The following CNTN4 variants were observed in gnomAD, a reference collection of about 807,000 sequenced individuals.
The protein encoded by CNTN4 is contactin 4.
CNTN4 carries 77 observed loss-of-function variants against 122.5 expected under a neutral mutation model. That is an observed-to-expected ratio of 0.63 (90% CI 0.52 to 0.76). The LOEUF is 0.76. Among genes scored for constraint, CNTN4 ranks in the 30% least tolerant of loss-of-function variants. CNTN4 has a pLI of 0.00. For synonymous variants in CNTN4, 512 were observed against 447.0 expected, an observed-to-expected ratio of 1.15 and a Z score of -1.83; for missense variants, 1,256 against 1,259.1, an observed-to-expected ratio of 1.00 and a Z score of 0.04.
intron 12 of CNTN4, 78 bp from the exon 13 acceptor site, chr3:2,925,547 AAAAG>A (rs2094465882): frequency 9.5e-6 from 14 of 1,475,704 alleles, no homozygotes; most frequent in Non-Finnish European, 1.1e-5. Flanking sequence ...TCTGTCTCAA[AAAAG>A]AAAGAAAGAA....
intron 4 of CNTN4, among the ~76,000 whole-genome samples, chr3:2,698,998 G>A (rs2086204025): frequency 6.7e-6 from 1 of 149,700 alleles, no homozygotes; most frequent in African/African-American, 2.5e-5. Flanking sequence ...ACTCCAGTGT[G>A]GGCGACAAGA....
In CNTN4 at chr3:2,840,471, C is replaced by A. The variant is rs189867962; in HGVS notation, c.454+20890C>A. 5.8e-3 allele frequency among the ~76,000 whole-genome samples: 861 copies of A among 148,056 alleles called. 12 individuals carry two copies. Among genetic ancestry groups the A allele is most frequent in the African/African-American group, 0.021 (840 of 40,570 alleles). On this transcript the variant is annotated intron_variant, in intron 7 of 24. Transcript: ENST00000418658. ...ATCCCAGCACTTTGGGAGGCCGAGG[C>A]GGGCGGATCACGAGGTCAGGAGATC... is the stretch of plus-strand genomic sequence containing the variant.
chr3:2,492,981 A>G (rs866308701), intron 3 of CNTN4, among the ~76,000 whole-genome samples: 1 of 152,224 alleles, frequency 6.6e-6, no homozygotes, highest in Non-Finnish European at 1.5e-5. Context: ...TCCTGGGGGC[A>G]TTAAGAACTG....
At chr3:2,099,164 C>T (rs1378110828) in intron 1 of CNTN4, 186 bp downstream of exon 1, 2 of 152,246 alleles carry the variant, frequency 1.3e-5, no homozygotes, top group Non-Finnish European at 2.9e-5. Context: ...AGCTCAGAGC[C>T]CGGAAGCCCT....
At chr3:2,261,105 A>G (rs1575200000) in intron 2 of CNTN4, among the ~76,000 whole-genome samples, 4 of 152,140 alleles carry the variant, frequency 2.6e-5, no homozygotes, top group Admixed American at 2.6e-4. Flanking sequence ...ACTAAATTGC[A>G]ATTGTCAAAA....
intron 4 of CNTN4, among the ~76,000 whole-genome samples, chr3:2,675,665 A>G (rs563031994): frequency 7.7e-4 from 117 of 152,310 alleles, no homozygotes; most frequent in African/African-American, 2.8e-3. Context: ...TACACATTGA[A>G]TGGGAGGAAA....
chr3:2,841,755 A>G lies in CNTN4; in HGVS notation c.454+22174A>G, dbSNP rs1480859578. 1.3e-5 allele frequency among the ~76,000 whole-genome samples: 2 copies of G among 152,236 alleles called. No homozygotes were observed. Among genetic ancestry groups the G allele is most frequent in the Non-Finnish European group, 2.9e-5 (2 of 68,048 alleles). On this transcript the variant is annotated intron_variant, in intron 7 of 24. Transcript: ENST00000418658. This position sits in a 1 kb window ranked among gnomAD's most constrained non-coding sequence, Gnocchi z 4.8. ...AAAAATATGTTTCACTCATGATAAC[A>G]TGATCATTTTCAGGAATTTTATTCT...
chr3:3,026,230 C>T lies in CNTN4; in HGVS notation c.1615C>T (p.Leu539=). The change falls in exon 15 of 25, where the codon CTG becomes TTG. Residue 539 remains leucine (L), a synonymous_variant. Transcript: ENST00000418658. ...IVFTWSFNGH[L]IDFDRDGDHF... ...GTTTACTTGGTCATTTAATGGACAC[C>T]TGATAGACTTTGACAGAGATGGGGA... The T allele has an allele frequency of 6.2e-7, 1 of 1,613,510 alleles. No individual in the cohort carries two copies. Among genetic ancestry groups the T allele is most frequent in the Non-Finnish European group, 8.5e-7 (1 of 1,179,554 alleles).
chr3:2,224,932 C>T (rs1302830935), intron 2 of CNTN4, among the ~76,000 whole-genome samples: 13 of 151,652 alleles, frequency 8.6e-5, no homozygotes, highest in African/African-American at 2.9e-4. Context: ...GGGTGGATCA[C>T]GAGGTCAGGA....
In CNTN4 at chr3:2,866,895, G is replaced by A. The variant is rs377048968; in HGVS notation, c.598G>A (p.Val200Met). 3.4e-5 allele frequency: 55 copies of A among 1,613,820 alleles called. No individual in the cohort carries two copies. The highest frequency in any genetic ancestry group is 1.6e-4 in the Middle Eastern group (1 of 6,084). Residue 200 changes from valine to methionine, a missense_variant, in exon 8 of 25, where the codon GTG becomes ATG. Val to Met is a conservative substitution (Grantham distance 21, BLOSUM62 1). Coordinates refer to ENST00000418658, the MANE Select transcript of CNTN4 (RefSeq NM_175607.3). Reference protein sequence around the residue: ...GNYTCVVTNTVTNHKVLGPPT... With the variant: ...GNYTCVVTNTMTNHKVLGPPT... ...TTATACCTGTGTGGTTACCAATACCGTGACAAACCACAAGGTCCTGGGGCC... is the reference window on the plus strand; with the variant it reads ...TTATACCTGTGTGGTTACCAATACCATGACAAACCACAAGGTCCTGGGGCC...
intron 6 of CNTN4, among the ~76,000 whole-genome samples, chr3:2,769,747 A>T (rs2091006990): frequency 6.6e-6 from 1 of 152,188 alleles, no homozygotes; most frequent in African/African-American, 2.4e-5. Flanking sequence ...CAACATACAG[A>T]TGATAGAATG....
chr3:2,675,459 A>C (rs1004043099), intron 4 of CNTN4, among the ~76,000 whole-genome samples: 1 of 152,174 alleles, frequency 6.6e-6, no homozygotes, highest in Non-Finnish European at 1.5e-5. Flanking sequence ...CAGCCAGCCA[A>C]AACTTACCCA....
chr3:2,781,970 G>C (rs112313827), intron 6 of CNTN4, among the ~76,000 whole-genome samples: 1 of 150,268 alleles, frequency 6.7e-6, no homozygotes, highest in Non-Finnish European at 1.5e-5. Flanking sequence ...TGATCCCCCC[G>C]CCTCGGCCTC....
chr3:2,227,520 C>G (rs895422654), intron 2 of CNTN4, among the ~76,000 whole-genome samples: 2 of 152,158 alleles, frequency 1.3e-5, no homozygotes, highest in African/African-American at 2.4e-5. Flanking sequence ...ACTTATTCGA[C>G]TAAATTATTA....
At chr3:2,800,887 C>G (rs2092331452) in intron 6 of CNTN4, among the ~76,000 whole-genome samples, 2 of 152,130 alleles carry the variant, frequency 1.3e-5, no homozygotes, top group African/African-American at 2.4e-5. Flanking sequence ...TGGCTAAACC[C>G]CTTGCCACCT....
intron 4 of CNTN4, among the ~76,000 whole-genome samples, chr3:2,693,239 C>T (rs1181546535): frequency 6.6e-6 from 1 of 152,022 alleles, no homozygotes; most frequent in Non-Finnish European, 1.5e-5. Context: ...CTTAAGTGTC[C>T]ATTTCTTGAG....
intron 4 of CNTN4, among the ~76,000 whole-genome samples, chr3:2,579,546 T>A (rs560308195): frequency 7.4e-5 from 11 of 148,888 alleles, no homozygotes; most frequent in African/African-American, 2.0e-4. Flanking sequence ...TTTTTTTTTT[T>A]ATCTGTAAAA....
At position 2,890,549 on chromosome 3, in the gene CNTN4, G is replaced by A. The variant is rs73114610; in HGVS notation, c.940+3325G>A. 8.3e-3 allele frequency among the ~76,000 whole-genome samples: 1,268 copies of A among 152,264 alleles called. 21 individuals are homozygous for A. The highest frequency in any genetic ancestry group is 0.029 in the African/African-American group (1,203 of 41,546). On this transcript the variant is annotated intron_variant, in intron 10 of 24. Coordinates refer to ENST00000418658, the MANE Select transcript of CNTN4 (RefSeq NM_175607.3). ...CAGCTCTCCACTTCAGCAACCAGAA[G>A]TGTGCTAACTCCTATTCAGGGTTGG...
At chr3:2,915,687 T>C (rs930558278) in intron 12 of CNTN4, among the ~76,000 whole-genome samples, 2 of 152,200 alleles carry the variant, frequency 1.3e-5, no homozygotes, top group African/African-American at 4.8e-5. Flanking sequence ...AATCTGGCAA[T>C]CCTAACATTT....
Sources: allele counts gnomAD v4.1 joint callset (sites outside exome capture counted in the v4.1 genomes callset), GRCh38; gene constraint gnomAD v4.1.1; non-coding constraint Gnocchi (gnomAD v3.1); transcripts MANE v1.5; gene names NCBI Gene and HGNC (gene_info 2026-07-23, HGNC 2026-07-21).